The following PPP2R5D variants were observed in gnomAD, a reference collection of about 807,000 sequenced individuals.
PPP2R5D encodes the protein protein phosphatase 2 regulatory subunit B'delta.
A neutral mutation model predicts 79.1 loss-of-function variants in PPP2R5D; 12 were observed. The observed-to-expected ratio is 0.15, with a 90% CI of 0.10 to 0.25. PPP2R5D has a LOEUF of 0.25. Among genes scored for constraint, PPP2R5D ranks in the 10% least tolerant of loss-of-function variants. The pLI, the probability that PPP2R5D is intolerant of heterozygous loss-of-function variation, is 1.00. For missense variants in PPP2R5D, 419 were observed against 760.2 expected, an observed-to-expected ratio of 0.55 and a Z score of 5.28; for synonymous variants, 277 against 286.6, an observed-to-expected ratio of 0.97 and a Z score of 0.34.
chr6:43,002,406 G>T (rs973193672), intron 2 of PPP2R5D, among the ~76,000 whole-genome samples: 2 of 152,010 alleles, frequency 1.3e-5, no homozygotes, highest in Non-Finnish European at 2.9e-5. Flanking sequence ...CTCGTGATCC[G>T]CCCGCCTCTG....
intron 2 of PPP2R5D, among the ~76,000 whole-genome samples, chr6:42,999,410 C>T (rs979596031): frequency 1.3e-5 from 2 of 152,124 alleles, no homozygotes; most frequent in Non-Finnish European, 2.9e-5. Flanking sequence ...AGCCAATGGT[C>T]CTTATAAACC....
intron 1 of PPP2R5D, among the ~76,000 whole-genome samples, chr6:42,989,253 C>T (rs966108755): frequency 6.6e-6 from 1 of 152,170 alleles, no homozygotes; most frequent in Non-Finnish European, 1.5e-5. Context: ...AGCCAGAAAC[C>T]AGTGAGCAGC....
In PPP2R5D at chr6:43,007,498, G is replaced by A; in HGVS notation, c.718G>A (p.Val240Ile). Residue 240 changes from valine (V) to isoleucine (I), a missense_variant, in exon 6 of 16, where the codon GTA becomes ATA. By Grantham distance (29) the Val-to-Ile change is conservative. Coordinates refer to ENST00000485511, the MANE Select transcript of PPP2R5D (RefSeq NM_006245.4). The surrounding 1 kb of genome is among the most constrained non-coding windows in gnomAD (Gnocchi z 4.5). ...IAKKYIDQKFVLALLDLFDSE... is the reference protein window; with the variant it reads ...IAKKYIDQKFILALLDLFDSE... Reference sequence around the variant, plus strand: ...CAAGAAGTACATCGACCAGAAGTTTGTACTTGCTGTGAGTCCCCGAGTTCC... The same window carrying A: ...CAAGAAGTACATCGACCAGAAGTTTATACTTGCTGTGAGTCCCCGAGTTCC... 1.2e-6 allele frequency: 2 copies of A among 1,609,978 alleles called. No individual in the cohort carries two copies. Among genetic ancestry groups the A allele is most frequent in the South Asian group, 2.2e-5 (2 of 90,986 alleles).
chr6:43,008,584 TCCTTCCCTCCATCTCC>T lies in PPP2R5D; in HGVS notation c.1027-100_1027-85del. The T allele has an allele frequency of 1.4e-6, 2 of 1,472,972 alleles. No individual in the cohort carries two copies. The highest frequency in any genetic ancestry group is 1.9e-6 in the Non-Finnish European group (2 of 1,055,256). 91.2% of individuals were successfully genotyped at this position (1,472,972 alleles called of 1,614,324 possible). ...AAGCATAGGGAGCAGGTGGGATAAT[TCCTTCCCTCCATCTCC>T]CCTTCCCTTCTGGGATCTTGTTTCT... On this transcript the variant is annotated intron_variant, in intron 9 of 15. Coordinates refer to ENST00000485511, the MANE Select transcript of PPP2R5D (RefSeq NM_006245.4). This position sits in a 1 kb window ranked among gnomAD's most constrained non-coding sequence, Gnocchi z 4.2.
Position 43,007,303 on chromosome 6 carries a change from C to G in PPP2R5D, c.630C>G (p.Leu210=). 1 of 1,614,010 alleles carries G rather than the reference C, an allele frequency of 6.2e-7. No individual in the cohort carries two copies. The highest frequency in any genetic ancestry group is 8.5e-7 in the Non-Finnish European group (1 of 1,179,858). Residue 210 remains leucine, a synonymous_variant, in exon 5 of 16, where the codon CTC becomes CTG. Coordinates refer to ENST00000485511, the MANE Select transcript of PPP2R5D (RefSeq NM_006245.4). This position sits in a 1 kb window ranked among gnomAD's most constrained non-coding sequence, Gnocchi z 4.5. The part of the protein sequence containing the change: ...EPTLEAAWPH[L]QLVYEFFLRF... ...CCCTGGAAGCTGCTTGGCCACATCT[C>G]CAGGTACCAGGGCAAGGGGGCAGAT...
At chr6:43,004,759 C>CT (rs1190895437) in intron 2 of PPP2R5D, among the ~76,000 whole-genome samples, 3,493 of 140,182 alleles carry the variant, frequency 0.025, 120 homozygotes, top group African/African-American at 0.074. Context: ...GTTTTCTTTT[C>CT]TTTTTTTTTT....
At position 43,010,828 on chromosome 6, in the gene PPP2R5D, G is replaced by T; in HGVS notation, c.1555-53G>T. 3.8e-6 allele frequency: 6 copies of T among 1,593,372 alleles called. No individual in the cohort carries two copies. Among genetic ancestry groups the T allele is most frequent in the Non-Finnish European group, 5.2e-6 (6 of 1,165,002 alleles). ...TGGGGGAGGAATATGGGGCACACAGGCCCCCAAGCCTCTGAAGTGGCTCTT... is the reference window on the plus strand; with the variant it reads ...TGGGGGAGGAATATGGGGCACACAGTCCCCCAAGCCTCTGAAGTGGCTCTT... On this transcript the variant is annotated intron_variant, in intron 14 of 15. Transcript: ENST00000485511. This position sits in a 1 kb window ranked among gnomAD's most constrained non-coding sequence, Gnocchi z 4.7.
Position 43,011,531 on chromosome 6 carries a change from A to T in PPP2R5D, c.*245A>T, listed in dbSNP as rs1762350455. The stretch of plus-strand genomic sequence containing the variant: ...CACTAAGATGCTTAGTGCTCAGACA[A>T]CCTGGGGATGCCTGTCCCCTACCTG... On this transcript the variant is annotated 3_prime_UTR_variant, in exon 16 of 16. Coordinates refer to ENST00000485511, the MANE Select transcript of PPP2R5D (RefSeq NM_006245.4). The T allele has an allele frequency of 1.8e-6, 1 of 546,890 alleles. No individual in the cohort carries two copies. Among genetic ancestry groups the T allele is most frequent in the African/African-American group, 1.9e-5 (1 of 52,914 alleles). The allele number at this position is 546,890 out of a possible 1,614,324, so 33.9% of individuals were successfully genotyped here.
intron 2 of PPP2R5D, among the ~76,000 whole-genome samples, chr6:42,999,126 G>A (rs73434556): frequency 0.099 from 15,018 of 152,198 alleles, 1,199 homozygotes; most frequent in African/African-American, 0.2. Context: ...TTTGGTCAGT[G>A]TCCACCCCTG....
At chr6:43,003,290 C>T (rs7756617) in intron 2 of PPP2R5D, among the ~76,000 whole-genome samples, 90 of 152,056 alleles carry the variant, frequency 5.9e-4, no homozygotes, top group African/African-American at 7.2e-4. Context: ...GGCATGGTGG[C>T]GGGTGCCTGT....
intron 2 of PPP2R5D, among the ~76,000 whole-genome samples, chr6:42,990,731 TG>T (rs1408576972): frequency 8.5e-6 from 1 of 117,618 alleles, no homozygotes; most frequent in Non-Finnish European, 1.7e-5. Context: ...TTTTTTGAGA[TG>T]GAGTCTCTCT....
Position 43,011,431 on chromosome 6 carries a change from G to T in PPP2R5D, c.*145G>T. On this transcript the variant is annotated 3_prime_UTR_variant, in exon 16 of 16. Coordinates refer to ENST00000485511, the MANE Select transcript of PPP2R5D (RefSeq NM_006245.4). ...AGGGAGGGGGATGTGGGCACTTGAA[G>T]CAGGGACACCCACAGAATGGTCCCT... 1.8e-6 allele frequency: 2 copies of T among 1,117,662 alleles called. No homozygotes were observed. Among genetic ancestry groups the T allele is most frequent in the Non-Finnish European group, 1.3e-6 (1 of 796,118 alleles). 69.2% of individuals were successfully genotyped at this position (1,117,662 alleles called of 1,614,324 possible).
intron 2 of PPP2R5D, among the ~76,000 whole-genome samples, chr6:42,993,797 A>G (rs1359625950): frequency 6.6e-6 from 1 of 152,146 alleles, no homozygotes; most frequent in Non-Finnish European, 1.5e-5. Flanking sequence ...ACTTGATTAC[A>G]TCTGCAAAGA....
At position 43,011,438 on chromosome 6, in the gene PPP2R5D, C is replaced by A; in HGVS notation, c.*152C>A. 9.4e-7 allele frequency: 1 copy of A among 1,059,594 alleles called. No homozygotes were observed. The highest frequency in any genetic ancestry group is 1.3e-6 in the Non-Finnish European group (1 of 745,300). 65.6% of individuals were successfully genotyped at this position (1,059,594 alleles called of 1,614,324 possible). On this transcript the variant is annotated 3_prime_UTR_variant, in exon 16 of 16. Transcript: ENST00000485511. The stretch of plus-strand genomic sequence containing the variant: ...GGGATGTGGGCACTTGAAGCAGGGA[C>A]ACCCACAGAATGGTCCCTCTTCTCC...
rs560284824 is a variant in PPP2R5D, at chr6:43,006,706, G to C, written c.322+27G>C. ...TACTTGGCAATTGGTCACAGGGGCT[G>C]TTTTACCAGTTCTAGTGGGCATCGG... is the stretch of plus-strand genomic sequence containing the variant. On this transcript the variant is annotated intron_variant, in intron 3 of 15. Transcript: ENST00000485511. The surrounding 1 kb of genome is among the most constrained non-coding windows in gnomAD (Gnocchi z 4.7). 1 of 1,608,362 alleles carries C rather than the reference G, an allele frequency of 6.2e-7. No homozygotes were observed. Among genetic ancestry groups the C allele is most frequent in the African/African-American group, 1.3e-5 (1 of 74,878 alleles).
Position 43,012,236 on chromosome 6 carries a change from T to C in PPP2R5D, c.*950T>C. ...GCGCAGGCAGTGCGGCTTTTGGCTG[T>C]GTACATAGGGTGCTTTATTCTCCAC... On this transcript the variant is annotated 3_prime_UTR_variant, in exon 16 of 16. Coordinates refer to ENST00000485511, the MANE Select transcript of PPP2R5D (RefSeq NM_006245.4). 8.1e-7 allele frequency: 1 copy of C among 1,240,900 alleles called. No homozygotes were observed. Among genetic ancestry groups the C allele is most frequent in the Non-Finnish European group, 1.0e-6 (1 of 990,194 alleles). The allele number at this position is 1,240,900 out of a possible 1,614,324, so 76.9% of individuals were successfully genotyped here. A position where few individuals can be genotyped will look rare whatever the true frequency, so the allele number is the denominator to read the frequency against.
In PPP2R5D at chr6:43,008,789, G is replaced by A. The variant is rs781689175; in HGVS notation, c.1080+43G>A. The A allele has an allele frequency of 1.8e-5, 28 of 1,582,796 alleles. No individual in the cohort carries two copies. The highest frequency in any genetic ancestry group is 2.4e-5 in the Non-Finnish European group (28 of 1,153,370). On this transcript the variant is annotated intron_variant, in intron 10 of 15. Coordinates refer to ENST00000485511, the MANE Select transcript of PPP2R5D (RefSeq NM_006245.4). The surrounding 1 kb of genome is among the most constrained non-coding windows in gnomAD (Gnocchi z 4.2). ...CCCCAAGGCCCACCTCTTACTGTCAGCATCACTTGCCAGTCTGTACCTACT... is the reference window on the plus strand; with the variant it reads ...CCCCAAGGCCCACCTCTTACTGTCAACATCACTTGCCAGTCTGTACCTACT...
At chr6:43,005,068 A>G (rs530901274) in intron 2 of PPP2R5D, among the ~76,000 whole-genome samples, 8 of 151,812 alleles carry the variant, frequency 5.3e-5, no homozygotes, top group African/African-American at 1.9e-4. Context: ...TATAAACATA[A>G]TATTAACTCC....
At chr6:42,989,818 C>A in intron 2 of PPP2R5D, 130 bp downstream of exon 2, 1 of 854,036 alleles carries the variant, frequency 1.2e-6, no homozygotes, top group African/African-American at 1.7e-5. Flanking sequence ...GGGACCTGGA[C>A]AGCCCATCCA....
Sources: allele counts gnomAD v4.1 joint callset (sites outside exome capture counted in the v4.1 genomes callset), GRCh38; gene constraint gnomAD v4.1.1; non-coding constraint Gnocchi (gnomAD v3.1); transcripts MANE v1.5; gene names NCBI Gene and HGNC (gene_info 2026-07-23, HGNC 2026-07-21).